Variants in COL19A1 observed in about 807,000 individuals in gnomAD.
COL19A1 encodes the protein collagen type XIX alpha 1 chain.
Under a neutral mutation model 190.2 loss-of-function variants are expected in COL19A1, and 159 were observed. The ratio of observed to expected loss-of-function variants is 0.84; its 90% CI spans 0.73 to 0.95. The LOEUF (loss-of-function observed/expected upper bound fraction) is 0.95, where lower values mean the gene tolerates loss of function less well. Among genes scored for constraint, COL19A1 ranks in the 40% least tolerant of loss-of-function variants. COL19A1 has a pLI of 0.00. For synonymous variants in COL19A1, 509 were observed against 458.9 expected, an observed-to-expected ratio of 1.11 and a Z score of -1.39; for missense variants, 1,418 against 1,431.9, an observed-to-expected ratio of 0.99 and a Z score of 0.16.
intron 12 of COL19A1, among the ~76,000 whole-genome samples, chr6:70,029,864 G>C (rs1671825817): frequency 6.6e-6 from 1 of 152,122 alleles, no homozygotes; most frequent in Non-Finnish European, 1.5e-5. Flanking sequence ...CCTTAAACTT[G>C]AACTTGAAAA....
intron 11 of COL19A1, among the ~76,000 whole-genome samples, chr6:70,022,171 G>A (rs1049512131): frequency 6.6e-6 from 1 of 152,120 alleles, no homozygotes; most frequent in Non-Finnish European, 1.5e-5. Flanking sequence ...TAGGAAAAAT[G>A]AAGGAAGAAA....
At chr6:69,963,896 C>CAGAGAAT (rs1452723628) in intron 11 of COL19A1, among the ~76,000 whole-genome samples, 6 of 152,176 alleles carry the variant, frequency 3.9e-5, no homozygotes, top group Admixed American at 3.3e-4. Flanking sequence ...ATTGAAAGTA[C>CAGAGAAT]AGAGAATAGA....
rs3805979 is a variant in COL19A1 at position 69,987,708 on chromosome 6, C to A, written c.1026+24838C>A. ...AATACCTCCCAGCTGTGCTTAACTG[C>A]CTTGTGGGGTTGGTTCTTGATTGTT... On this transcript the variant is annotated intron_variant, in intron 11 of 50. Transcript: ENST00000620364. 5.5e-3 allele frequency among the ~76,000 whole-genome samples: 838 copies of A among 152,264 alleles called. 18 individuals carry two copies. The East Asian group carries it at 0.069, about 12-fold the overall frequency.
intron 17 of COL19A1, among the ~76,000 whole-genome samples, chr6:70,124,355 T>C (rs958329655): frequency 1.3e-5 from 2 of 152,178 alleles, no homozygotes; most frequent in Non-Finnish European, 2.9e-5. Flanking sequence ...ATATACCTAG[T>C]TGCTACTTAG....
intron 11 of COL19A1, among the ~76,000 whole-genome samples, chr6:69,981,041 T>A (rs1220352305): frequency 6.6e-6 from 1 of 151,910 alleles, no homozygotes; most frequent in Non-Finnish European, 1.5e-5. Context: ...ATGGCCTTTA[T>A]TTTTTAAGTG....
At chr6:70,099,568 C>T (rs762937242) in intron 15 of COL19A1, among the ~76,000 whole-genome samples, 1 of 151,924 alleles carries the variant, frequency 6.6e-6, no homozygotes, top group Non-Finnish European at 1.5e-5. Context: ...TTACAAAACA[C>T]TTCTGGTTCC....
intron 16 of COL19A1, among the ~76,000 whole-genome samples, chr6:70,108,402 A>C (rs1190346874): frequency 6.6e-6 from 1 of 152,130 alleles, no homozygotes; most frequent in African/African-American, 2.4e-5. Context: ...TCAGTTGAAA[A>C]CAGAAATTCA....
intron 2 of COL19A1, among the ~76,000 whole-genome samples, chr6:69,888,972 G>A (rs139420892): frequency 6.6e-6 from 1 of 152,212 alleles, no homozygotes; most frequent in African/African-American, 2.4e-5. Context: ...GGGCTGAGGG[G>A]AACTAGTAAC....
chr6:69,896,333 C>T (rs960375273), intron 2 of COL19A1, among the ~76,000 whole-genome samples: 1 of 151,200 alleles, frequency 6.6e-6, no homozygotes, highest in South Asian at 2.1e-4. Flanking sequence ...GTCAGGAGAT[C>T]GAGACCATCC....
At chr6:69,984,522 G>A (rs1452389494) in intron 11 of COL19A1, among the ~76,000 whole-genome samples, 1 of 151,596 alleles carries the variant, frequency 6.6e-6, no homozygotes, top group Non-Finnish European at 1.5e-5. Context: ...GCATTTTTTG[G>A]TATTCATAAT....
chr6:70,060,741 A>C (rs975343244), intron 14 of COL19A1, among the ~76,000 whole-genome samples: 1 of 152,146 alleles, frequency 6.6e-6, no homozygotes, highest in Admixed American at 6.6e-5. Context: ...GTGAGTGTAT[A>C]ATTATTTCAT....
At chr6:70,159,740 G>A (rs1412028774) in intron 34 of COL19A1, among the ~76,000 whole-genome samples, 1 of 151,940 alleles carries the variant, frequency 6.6e-6, no homozygotes, top group East Asian at 1.9e-4. Context: ...TGTTTCCATG[G>A]CCACATCATC....
At chr6:70,098,112 GGCCCT>G (rs1387366633) in intron 15 of COL19A1, among the ~76,000 whole-genome samples, 2 of 152,124 alleles carry the variant, frequency 1.3e-5, no homozygotes, top group African/African-American at 4.8e-5. Context: ...AACCGCCGCA[GGCCCT>G]GGCCCCAGCT....
chr6:70,075,822 TATATCAATAGTA>T (rs1425066578), intron 15 of COL19A1, among the ~76,000 whole-genome samples: 3 of 152,178 alleles, frequency 2.0e-5, no homozygotes, highest in South Asian at 4.1e-4. Context: ...CAATAATACT[TATATCAATAGTA>T]AAGCAACAGT....
intron 14 of COL19A1, among the ~76,000 whole-genome samples, chr6:70,064,618 A>C (rs1781060993): frequency 1.3e-5 from 2 of 152,140 alleles, no homozygotes; most frequent in African/African-American, 4.8e-5. Context: ...CAGGGCAATC[A>C]GGCAGGAGAA....
At chr6:70,140,665 T>C (rs555075903) in intron 19 of COL19A1, among the ~76,000 whole-genome samples, 5 of 152,252 alleles carry the variant, frequency 3.3e-5, no homozygotes, top group Admixed American at 1.3e-4. Flanking sequence ...GACTAGGCAA[T>C]AGGAAGCTTT....
intron 15 of COL19A1, among the ~76,000 whole-genome samples, chr6:70,072,030 A>G (rs144255959): frequency 3.4e-4 from 51 of 152,198 alleles, no homozygotes; most frequent in African/African-American, 1.2e-3. Context: ...GAGGTAGGAG[A>G]GGCAAACAAT....
chr6:70,154,566 T>C (rs1238200965), intron 31 of COL19A1, among the ~76,000 whole-genome samples: 1 of 152,152 alleles, frequency 6.6e-6, no homozygotes, highest in African/African-American at 2.4e-5. Flanking sequence ...ATAGTATATA[T>C]GTATATATGA....
intron 11 of COL19A1, chr6:69,974,140 A>G (rs1775583165): frequency 6.6e-6 from 1 of 152,218 alleles, no homozygotes. Flanking sequence ...GAACCTCCCC[A>G]TCAATGATCT....
Sources: gnomAD v4.1 joint callset for allele counts (sites outside exome capture counted in the v4.1 genomes callset) on GRCh38, gnomAD v4.1.1 for gene constraint, MANE v1.5 for transcripts, NCBI Gene and HGNC (gene_info 2026-07-23, HGNC 2026-07-21) for gene names.